The following FAM120C variants were observed in gnomAD, a reference collection of about 807,000 sequenced individuals.
FAM120C encodes the protein constitutive coactivator of PPAR-gamma-like protein 2.
A neutral mutation model predicts 71.2 loss-of-function variants in FAM120C; 14 were observed. The ratio of observed to expected loss-of-function variants is 0.20; its 90% CI spans 0.13 to 0.31. The LOEUF (loss-of-function observed/expected upper bound fraction) is 0.31. Among genes scored for constraint, FAM120C ranks in the 10% least tolerant of loss-of-function variants. The pLI is 1.00. For synonymous variants in FAM120C, 354 were observed against 353.2 expected (o/e 1.00, Z -0.03); for missense variants, 500 against 879.0 (o/e 0.57, Z 5.45).
In FAM120C at chrX:54,091,345, C is replaced by G; in HGVS notation, c.2394G>C (p.Gln798His). Residue 798 changes from glutamine to histidine, a missense_variant, in exon 11 of 16, where the codon CAG becomes CAC. Coordinates refer to ENST00000375180, the MANE Select transcript of FAM120C (RefSeq NM_017848.6). ...CTTGGAGTCGATCTGGTTCATAAAG[C>G]TGGGTAGACACTGCCTGTGCAAGGA... ...DTFLAQAVST[Q>H]LYEPDRLQEL... 5.0e-6 allele frequency: 6 copies of G among 1,209,790 alleles called. No individual in the cohort carries two copies. Among genetic ancestry groups the G allele is most frequent in the Non-Finnish European group, 6.7e-6 (6 of 893,890 alleles).
intron 6 of FAM120C, among the ~76,000 whole-genome samples, 168 bp from the exon 7 acceptor site, chrX:54,135,279 C>G (rs1557130334): frequency 8.9e-6 from 1 of 111,951 alleles, no homozygotes; most frequent in Non-Finnish European, 1.9e-5. Flanking sequence ...CCTCCACAGA[C>G]AGGACAATGA....
chrX:54,139,627 C>T (rs1274698148), intron 4 of FAM120C, among the ~76,000 whole-genome samples: 1 of 110,908 alleles, frequency 9.0e-6, no homozygotes, highest in African/African-American at 3.3e-5. Flanking sequence ...AGGCGTGAGC[C>T]ACCTTGCCTG....
chrX:54,116,806 A>C lies in FAM120C; in HGVS notation c.2063-12T>G, dbSNP rs1191661398. On this transcript the variant is annotated splice_polypyrimidine_tract_variant and intron_variant, in intron 9 of 15. Transcript: ENST00000375180. Reference sequence around the variant, plus strand: ...GATCACTGAAGGAACTGGAAAACAGAAATTGAGGAAAAAGAGGCTCTAGAG... The same window carrying C: ...GATCACTGAAGGAACTGGAAAACAGCAATTGAGGAAAAAGAGGCTCTAGAG... 2.5e-6 allele frequency: 3 copies of C among 1,203,845 alleles called. No homozygotes were observed. In the African/African-American group the frequency reaches 5.3e-5, roughly 21 times the overall value.
In FAM120C at chrX:54,137,023, G is replaced by T. The variant is rs1363091483; in HGVS notation, c.1159-433C>A. Among the ~76,000 whole-genome samples, 4 of 109,937 alleles carry T rather than the reference G, an allele frequency of 3.6e-5. No homozygotes were observed. The East Asian group carries it at 1.1e-3, about 31-fold the overall frequency. On this transcript the variant is annotated intron_variant, in intron 4 of 15. Transcript: ENST00000375180. The stretch of plus-strand genomic sequence containing the variant: ...GCTAGAGTTCAGTGGTGTGATCTTG[G>T]CTCACTGCAACCTCCACCTCCCAGG...
intron 4 of FAM120C, among the ~76,000 whole-genome samples, chrX:54,139,571 G>C: frequency 9.0e-6 from 1 of 110,540 alleles, no homozygotes; most frequent in African/African-American, 3.3e-5. Context: ...TTGATCTCCT[G>C]ACCTCGTGAT....
rs149983254 is a variant in FAM120C at position 54,163,673 on chromosome X, C to T, written c.700-4057G>A. On this transcript the variant is annotated intron_variant, in intron 1 of 15. Transcript: ENST00000375180. ...GAATTTTATGGTATATGAGTTATAC[C>T]TCGATTTTTAAAAATTGGAGCTAGG... Among the ~76,000 whole-genome samples, 527 of 110,462 alleles carry T rather than the reference C, an allele frequency of 4.8e-3. 2 individuals are homozygous for T. The highest frequency in any genetic ancestry group is 0.016 in the African/African-American group (494 of 30,472).
intron 4 of FAM120C, among the ~76,000 whole-genome samples, chrX:54,142,162 C>A (rs1175764730): frequency 4.5e-5 from 5 of 112,083 alleles, no homozygotes; most frequent in Non-Finnish European, 9.4e-5. Flanking sequence ...CAGCTCCCAG[C>A]GTGAGCGACA....
chrX:54,129,147 T>C (rs1293836526), intron 9 of FAM120C, among the ~76,000 whole-genome samples: 1 of 104,411 alleles, frequency 9.6e-6, no homozygotes, highest in Non-Finnish European at 2.0e-5. Flanking sequence ...CCGGGGCGGC[T>C]GGCCTGGCGG....
chrX:54,083,892 A>G (rs782778760), intron 13 of FAM120C, among the ~76,000 whole-genome samples: 5 of 110,464 alleles, frequency 4.5e-5, no homozygotes, highest in Non-Finnish European at 7.6e-5. Flanking sequence ...GCTAATTTTT[A>G]TATTTTTTGT....
At chrX:54,094,343 C>T (rs949859024) in intron 10 of FAM120C, among the ~76,000 whole-genome samples, 35 of 106,623 alleles carry the variant, frequency 3.3e-4, no homozygotes, top group African/African-American at 1.2e-3. Context: ...GTGATCTGCC[C>T]GCCTCGGCCT....
At chrX:54,179,628 C>A (rs1238427741) in intron 1 of FAM120C, among the ~76,000 whole-genome samples, 1 of 111,651 alleles carries the variant, frequency 9.0e-6, no homozygotes, top group Non-Finnish European at 1.9e-5. Context: ...GTAACATCGA[C>A]AGACACTTTA....
chrX:54,140,293 AAAAAAAAAAAAAG>A (rs1274078775), intron 4 of FAM120C, among the ~76,000 whole-genome samples: 2 of 100,053 alleles, frequency 2.0e-5, no homozygotes, highest in African/African-American at 3.6e-5. Flanking sequence ...CTCTGTCTCA[AAAAAAAAAAAAAG>A]AAAAAGAAAA....
At chrX:54,175,902 T>C (rs2067314428) in intron 1 of FAM120C, among the ~76,000 whole-genome samples, 1 of 111,672 alleles carries the variant, frequency 9.0e-6, no homozygotes, top group Non-Finnish European at 1.9e-5. Context: ...CCAAGGCCTG[T>C]GTTGTCAGCC....
rs2066764580 is a variant in FAM120C, at chrX:54,081,468, G to A, written c.2840-8C>T. ...GTGGGATTGGATGGAGACCTGGCAAGATAGAAAGAATGGTGGTAATGGGCC... is the reference window on the plus strand; with the variant it reads ...GTGGGATTGGATGGAGACCTGGCAAAATAGAAAGAATGGTGGTAATGGGCC... On this transcript the variant is annotated splice_polypyrimidine_tract_variant and splice_region_variant and intron_variant, in intron 13 of 15. Coordinates refer to ENST00000375180, the MANE Select transcript of FAM120C (RefSeq NM_017848.6). The A allele has an allele frequency of 8.3e-7, 1 of 1,200,364 alleles. No homozygotes were observed. Among genetic ancestry groups the A allele is most frequent in the African/African-American group, 1.8e-5 (1 of 56,558 alleles).
chrX:54,135,208 G>T (rs993867795), intron 6 of FAM120C, 97 bp from the exon 7 acceptor site: 44 of 845,671 alleles, frequency 5.2e-5, no homozygotes, highest in Admixed American at 1.0e-4. Context: ...TGCCAGCAGT[G>T]GAGATTGTTG....
chrX:54,110,281 C>T (rs1247177749), intron 10 of FAM120C, among the ~76,000 whole-genome samples: 9 of 109,040 alleles, frequency 8.3e-5, no homozygotes, highest in African/African-American at 2.7e-4. Context: ...AACCACCACA[C>T]CCGGCCAGAA....
At chrX:54,109,119 G>A (rs1306544130) in intron 10 of FAM120C, among the ~76,000 whole-genome samples, 28 of 31,835 alleles carry the variant, frequency 8.8e-4, no homozygotes, top group Admixed American at 2.3e-3. Flanking sequence ...TATCATGGGA[G>A]GGGAACTGGT....
chrX:54,151,577 T>C (rs2067184599), intron 3 of FAM120C, among the ~76,000 whole-genome samples: 2 of 112,120 alleles, frequency 1.8e-5, no homozygotes, highest in South Asian at 7.4e-4. Context: ...AATAAAAACA[T>C]ATCATCCATC....
At position 54,136,662 on chromosome X, in the gene FAM120C, G is replaced by A; in HGVS notation, c.1159-72C>T. 2.5e-5 allele frequency: 18 copies of A among 718,670 alleles called. No homozygotes were observed. The Middle Eastern group carries it at 1.4e-3, about 55-fold the overall frequency. 59.2% of individuals were successfully genotyped at this position (718,670 alleles called of 1,213,427 possible). On this transcript the variant is annotated intron_variant, in intron 4 of 15. Transcript: ENST00000375180. Reference sequence around the variant, plus strand: ...TTTTTTTAATACAGTTCATAATTTGGGAATCAAAATAATTATCAGAAATCA... The same window carrying A: ...TTTTTTTAATACAGTTCATAATTTGAGAATCAAAATAATTATCAGAAATCA...
Sources: allele counts gnomAD v4.1 joint callset (sites outside exome capture counted in the v4.1 genomes callset), GRCh38; gene constraint gnomAD v4.1.1; transcripts MANE v1.5; gene names NCBI Gene and HGNC (gene_info 2026-07-23, HGNC 2026-07-21).